Variants in COL17A1 observed in about 807,000 individuals in gnomAD.
COL17A1 encodes collagen alpha-1(XVII) chain.
A neutral mutation model predicts 218.4 loss-of-function variants in COL17A1; 181 were observed. The ratio of observed to expected loss-of-function variants is 0.83; its 90% confidence interval spans 0.73 to 0.94. The LOEUF is 0.94. COL17A1 is among the 40% of genes least tolerant of loss of function. COL17A1 has a pLI of 0.00. For missense variants in COL17A1, 1,924 were observed against 1,945.9 expected (o/e 0.99, Z 0.21); for synonymous variants, 721 against 731.0 (o/e 0.99, Z 0.22).
chr10:104,067,326 C>T (rs1000655069), intron 9 of COL17A1, among the ~76,000 whole-genome samples: 1 of 105,398 alleles, frequency 9.5e-6, no homozygotes, highest in Admixed American at 1.4e-4. Flanking sequence ...TCTGCAGAGG[C>T]TCAGGAATAA....
chr10:104,032,718 C>T lies in COL17A1; in HGVS notation c.4394G>A (p.Gly1465Glu). ...RGPAGPPGHP[G>E]PPGPRGHKGE... ...CTTGTGTCCTCGAGGGCCAGGTGGC[C>T]CAGGATGACCTGGTGGCCCAGCAGG... Residue 1465 changes from glycine to glutamate, a missense_variant, in exon 55 of 56, where the codon GGG becomes GAG. Gly to Glu is a moderately conservative substitution (Grantham distance 98). Coordinates refer to ENST00000648076, the MANE Select transcript of COL17A1 (RefSeq NM_000494.4). 6.2e-7 allele frequency: 1 copy of T among 1,614,158 alleles called. No individual in the cohort carries two copies. Among genetic ancestry groups the T allele is most frequent in the Non-Finnish European group, 8.5e-7 (1 of 1,180,028 alleles).
At chr10:104,048,947 CTG>C (rs984608142) in intron 29 of COL17A1, among the ~76,000 whole-genome samples, 2 of 152,104 alleles carry the variant, frequency 1.3e-5, no homozygotes, top group African/African-American at 4.8e-5. Context: ...AGCGATCATC[CTG>C]AGTCCCAGGG....
Position 104,032,705 on chromosome 10 carries a change from A to G in COL17A1, c.4407T>C (p.Pro1469=). 6.2e-7 allele frequency: 1 copy of G among 1,614,136 alleles called. No individual in the cohort carries two copies. ...GPPGHPGPPG[P]RGHKGEKGDK... ...CTCCTTTTTCTCCCTTGTGTCCTCGAGGGCCAGGTGGCCCAGGATGACCTG... is the reference window on the plus strand; with the variant it reads ...CTCCTTTTTCTCCCTTGTGTCCTCGGGGGCCAGGTGGCCCAGGATGACCTG... Residue 1469 remains proline (P), a synonymous_variant, in exon 55 of 56, where the codon CCT becomes CCC. Transcript: ENST00000648076.
intron 55 of COL17A1, 78 bp from the exon 56 acceptor site, chr10:104,032,368 A>G: frequency 8.5e-7 from 1 of 1,181,280 alleles, no homozygotes; most frequent in Non-Finnish European, 1.3e-6. Context: ...AATTATGGCA[A>G]CCGTGACTAC....
chr10:104,056,928 G>A lies in COL17A1; in HGVS notation c.1465+47C>T, dbSNP rs778833498. ...TGCCCTTCTGACAGGCAGTGGGGCT[G>A]GCCTGCCTCCTACCACACAGGCTGC... On this transcript the variant is annotated intron_variant, in intron 17 of 55. Coordinates refer to ENST00000648076, the MANE Select transcript of COL17A1 (RefSeq NM_000494.4). The A allele has an allele frequency of 9.0e-6, 14 of 1,550,610 alleles. No homozygotes were observed. In the African/African-American group the frequency reaches 9.6e-5, roughly 11 times the overall value.
At chr10:104,083,273 G>T (rs1283253448) in intron 1 of COL17A1, among the ~76,000 whole-genome samples, 1 of 152,114 alleles carries the variant, frequency 6.6e-6, no homozygotes, top group African/African-American at 2.4e-5. Flanking sequence ...TCCTGCCCAG[G>T]TACATGCCTG....
At chr10:104,056,659 G>T (rs1361904984) in intron 17 of COL17A1, among the ~76,000 whole-genome samples, 3 of 152,092 alleles carry the variant, frequency 2.0e-5, no homozygotes, top group African/African-American at 7.2e-5. Flanking sequence ...AGTCAAAAAG[G>T]CTAAGAAAGT....
chr10:104,058,177 A>T lies in COL17A1; in HGVS notation c.1236T>A (p.Thr412=). 2 of 1,614,224 alleles carry T rather than the reference A, an allele frequency of 1.2e-6. No homozygotes were observed. Among genetic ancestry groups the T allele is most frequent in the Non-Finnish European group, 1.7e-6 (2 of 1,180,038 alleles). Residue 412 remains threonine, a synonymous_variant, in exon 16 of 56, where the codon ACT becomes ACA. Coordinates refer to ENST00000648076, the MANE Select transcript of COL17A1 (RefSeq NM_000494.4). ...LKAEANGDLK[T]VSTKGKTTTA... is the part of the protein sequence containing the mutation. ...TGGTGGTCTTGCCCTTTGTGGACAC[A>T]GTCTTCAGGTCTCCTGAAAGGACAA...
chr10:104,041,632 A>C (rs2086361046), intron 36 of COL17A1, 94 bp from the exon 37 acceptor site: 1 of 1,050,570 alleles, frequency 9.5e-7, no homozygotes, highest in South Asian at 1.4e-5. Flanking sequence ...AGTTCCAGGC[A>C]CTCCAGGCTA....
chr10:104,052,931 G>A, intron 23 of COL17A1, 100 bp downstream of exon 23: 3 of 1,399,696 alleles, frequency 2.1e-6, no homozygotes, highest in East Asian at 2.3e-5. Flanking sequence ...AATGAAGGAA[G>A]GGGGGAGAAA....
At position 104,032,058 on chromosome 10, in the gene COL17A1, TTGAC is replaced by T. The variant is rs1413352149; in HGVS notation, c.*173_*176del. 3.4e-5 allele frequency: 22 copies of T among 638,490 alleles called. No individual in the cohort carries two copies. In the East Asian group the frequency reaches 5.5e-4, roughly 16 times the overall value. 39.6% of individuals were successfully genotyped at this position (638,490 alleles called of 1,614,324 possible). ...TGAAGCTGTTTCAGATTGTGTATCT[TTGAC>T]TGAATTCTATAAGTATATATTGTTC... On this transcript the variant is annotated 3_prime_UTR_variant, in exon 56 of 56. Coordinates refer to ENST00000648076, the MANE Select transcript of COL17A1 (RefSeq NM_000494.4).
rs1564676903 is a variant in COL17A1 at position 104,049,483 on chromosome 10, AAAG to A, written c.2165-15_2165-13del. The A allele has an allele frequency of 1.2e-6, 2 of 1,614,152 alleles. No individual in the cohort carries two copies. Among genetic ancestry groups the A allele is most frequent in the African/African-American group, 2.7e-5 (2 of 75,054 alleles). On this transcript the variant is annotated splice_polypyrimidine_tract_variant and intron_variant, in intron 28 of 55. Coordinates refer to ENST00000648076, the MANE Select transcript of COL17A1 (RefSeq NM_000494.4). ...CATGCCAGGCTCGCCTGCAAAGGACAAAGAACTAGCTGGTTGGACACTTGCAAG... is the reference window on the plus strand; with the variant it reads ...CATGCCAGGCTCGCCTGCAAAGGACAAACTAGCTGGTTGGACACTTGCAAG...
At chr10:104,039,280 C>G (rs1469884265) in intron 43 of COL17A1, among the ~76,000 whole-genome samples, 159 bp from the exon 44 acceptor site, 2 of 152,224 alleles carry the variant, frequency 1.3e-5, no homozygotes, top group South Asian at 2.1e-4. Context: ...GGCTATATCA[C>G]CATGTCCTTG....
At chr10:104,050,807 A>G (rs1186802364) in intron 26 of COL17A1, 41 bp downstream of exon 26, 4 of 1,614,108 alleles carry the variant, frequency 2.5e-6, no homozygotes, top group Non-Finnish European at 3.4e-6. Flanking sequence ...GGTCGTGTCC[A>G]TCAGACCCTC....
In COL17A1 at chr10:104,039,307, G is replaced by A. The variant is rs537981347; in HGVS notation, c.2896+138C>T. 7 of 1,087,230 alleles carry A rather than the reference G, an allele frequency of 6.4e-6. No homozygotes were observed. In the African/African-American group the frequency reaches 1.1e-4, roughly 17 times the overall value. 67.3% of individuals were successfully genotyped at this position (1,087,230 alleles called of 1,614,324 possible). ...ATGTCCTTGTCCCTTCCACCCTCTG[G>A]CCTTTCCTTCCTCCAGCCTCTTCTC... On this transcript the variant is annotated intron_variant, in intron 43 of 55. Coordinates refer to ENST00000648076, the MANE Select transcript of COL17A1 (RefSeq NM_000494.4).
Position 104,043,823 on chromosome 10 carries a change from A to G in COL17A1, c.2434+2T>C. On this transcript the variant is annotated splice_donor_variant, in intron 34 of 55. Coordinates refer to ENST00000648076, the MANE Select transcript of COL17A1 (RefSeq NM_000494.4). LOFTEE classifies it high-confidence loss of function. ...AGGAGGGTCCCTCTAGGACCTGCCT[A>G]CCCGAAGTCACGATCTTGCCTGGAG... The G allele has an allele frequency of 6.2e-7, 1 of 1,614,140 alleles. No individual in the cohort carries two copies. Among genetic ancestry groups the G allele is most frequent in the Non-Finnish European group, 8.5e-7 (1 of 1,180,016 alleles).
chr10:104,049,291 T>C, intron 29 of COL17A1, 118 bp downstream of exon 29: 1 of 907,236 alleles, frequency 1.1e-6, no homozygotes, highest in Non-Finnish European at 1.8e-6. Flanking sequence ...AGGGAGACTC[T>C]ACCAGGAGTG....
At chr10:104,058,411 T>A (rs1025234921) in intron 15 of COL17A1, among the ~76,000 whole-genome samples, 2 of 152,248 alleles carry the variant, frequency 1.3e-5, no homozygotes, top group African/African-American at 4.8e-5. Flanking sequence ...GAAAGCACTA[T>A]GTTTTAATTC....
At position 104,033,295 on chromosome 10, in the gene COL17A1, T is replaced by A. The variant is rs750623926; in HGVS notation, c.4237A>T (p.Ser1413Cys). 6 of 1,602,126 alleles carry A rather than the reference T, an allele frequency of 3.7e-6. No homozygotes were observed. The highest frequency in any genetic ancestry group is 4.3e-6 in the Non-Finnish European group (5 of 1,174,392). Residue 1413 changes from serine to cysteine, a missense_variant, in exon 53 of 56, where the codon AGC becomes TGC. Transcript: ENST00000648076. ...QPGPQGPPGISKVFSAYSNVT... is the reference protein window; with the variant it reads ...QPGPQGPPGICKVFSAYSNVT... Reference sequence around the variant, plus strand: ...TTGCTGTAGGCAGAGAAGACCTTGCTGATGCCGGGTGGCCCCTGTGGCCCA... The same window carrying A: ...TTGCTGTAGGCAGAGAAGACCTTGCAGATGCCGGGTGGCCCCTGTGGCCCA...
Sources: gnomAD v4.1 joint callset for allele counts (sites outside exome capture counted in the v4.1 genomes callset) on GRCh38, gnomAD v4.1.1 for gene constraint, MANE v1.5 for transcripts, NCBI Gene and HGNC (gene_info 2026-07-23, HGNC 2026-07-21) for gene names.